Variants in LRRTM4 observed in about 807,000 individuals in gnomAD.
LRRTM4 encodes the protein leucine rich repeat transmembrane neuronal 4, also known as leucine-rich repeat transmembrane neuronal protein 4.
In LRRTM4, 25 loss-of-function variants were observed where a neutral mutation model predicts 47.6. That is an observed-to-expected ratio of 0.53 (90% CI 0.38 to 0.73). The LOEUF is 0.73. LRRTM4 is among the 30% of genes least tolerant of loss of function. The probability of loss-of-function intolerance (pLI) is 0.00; values close to 1 mark genes in which losing one functional copy is unlikely to be tolerated. For missense variants in LRRTM4, 638 were observed against 713.4 expected (o/e 0.89, Z 1.20); for synonymous variants, 311 against 269.5 (o/e 1.15, Z -1.51).
chr2:76,750,690 T>C (rs1003633996), intron 3 of LRRTM4, among the ~76,000 whole-genome samples: 1 of 152,282 alleles, frequency 6.6e-6, no homozygotes, highest in East Asian at 1.9e-4. Flanking sequence ...TTTTTAGATG[T>C]CATTCGTCTG....
rs199877751 is a variant in LRRTM4 at position 77,097,615 on chromosome 2, CAT to C, written c.1552-348701_1552-348700del. ...AGCACTCATGAATTAAAAGAGAAGT[CAT>C]ATTGGAAATTAGAAAATAAAACTCA... On this transcript the variant is annotated intron_variant, in intron 3 of 3. Coordinates refer to ENST00000409884, the MANE Select transcript of LRRTM4 (RefSeq NM_001134745.3). Among the ~76,000 whole-genome samples the C allele has an allele frequency of 8.2e-3, 1,252 of 151,988 alleles. 18 individuals carry two copies. The highest frequency in any genetic ancestry group is 0.028 in the African/African-American group (1,169 of 41,518).
intron 3 of LRRTM4, among the ~76,000 whole-genome samples, chr2:77,145,760 C>T (rs908028000): frequency 2.6e-4 from 35 of 136,374 alleles, no homozygotes; most frequent in African/African-American, 1.0e-4. Flanking sequence ...GGTGACAAAG[C>T]GAGGCTCCGT....
At chr2:77,219,418 A>T (rs757090514) in intron 3 of LRRTM4, among the ~76,000 whole-genome samples, 1 of 152,306 alleles carries the variant, frequency 6.6e-6, no homozygotes, top group East Asian at 1.9e-4. Flanking sequence ...TTCCCCCAGA[A>T]GTCTGAATTT....
chr2:77,059,554 A>G (rs1049595919), intron 3 of LRRTM4, among the ~76,000 whole-genome samples: 2 of 152,168 alleles, frequency 1.3e-5, no homozygotes, highest in African/African-American at 2.4e-5. Context: ...TTTGTTTAGA[A>G]TCAAGTCACT....
chr2:77,243,397 C>T (rs978602501), intron 3 of LRRTM4, among the ~76,000 whole-genome samples: 8 of 122,926 alleles, frequency 6.5e-5, no homozygotes, highest in Admixed American at 1.1e-4. Context: ...GCAACGAGAG[C>T]GAAACTCCGT....
chr2:77,214,760 C>G (rs1194345342), intron 3 of LRRTM4, among the ~76,000 whole-genome samples: 3 of 151,252 alleles, frequency 2.0e-5, no homozygotes, highest in African/African-American at 7.3e-5. Context: ...CATCTGTTAA[C>G]TCGTCTCTGA....
intron 3 of LRRTM4, among the ~76,000 whole-genome samples, chr2:76,824,438 G>A (rs1259445739): frequency 6.6e-6 from 1 of 151,454 alleles, no homozygotes; most frequent in African/African-American, 2.4e-5. Flanking sequence ...ATGAATTATA[G>A]CCATTTAATA....
At chr2:77,028,291 T>C (rs565022886) in intron 3 of LRRTM4, among the ~76,000 whole-genome samples, 2 of 152,124 alleles carry the variant, frequency 1.3e-5, no homozygotes, top group African/African-American at 4.8e-5. Flanking sequence ...GATACAGAAA[T>C]AGAACATCAG....
chr2:77,521,834 AGG>A lies in LRRTM4; in HGVS notation c.-147-18_-147-17del. ...CCCATACAAACTTCCCCGAGAGGAC[AGG>A]CAAAAAAAAAAAAAAAAAATACATA... On this transcript the variant is annotated splice_polypyrimidine_tract_variant and intron_variant, in intron 1 of 3. Transcript: ENST00000409884. 5.8e-6 allele frequency: 2 copies of A among 344,108 alleles called. No individual in the cohort carries two copies. Among genetic ancestry groups the A allele is most frequent in the South Asian group, 7.6e-5 (1 of 13,238 alleles). 21.3% of individuals were successfully genotyped at this position (344,108 alleles called of 1,614,324 possible).
At chr2:77,467,436 T>G (rs1425218928) in intron 3 of LRRTM4, among the ~76,000 whole-genome samples, 1 of 152,124 alleles carries the variant, frequency 6.6e-6, no homozygotes, top group East Asian at 1.9e-4. Context: ...ACTAAAGACA[T>G]CTAGTCACTT....
At chr2:77,240,062 A>C (rs1287325693) in intron 3 of LRRTM4, among the ~76,000 whole-genome samples, 1 of 151,954 alleles carries the variant, frequency 6.6e-6, no homozygotes, top group Non-Finnish European at 1.5e-5. Flanking sequence ...AATATTTACA[A>C]TAATTGTAAT....
At chr2:77,326,397 T>G (rs904862600) in intron 3 of LRRTM4, among the ~76,000 whole-genome samples, 3 of 152,100 alleles carry the variant, frequency 2.0e-5, no homozygotes, top group African/African-American at 7.2e-5. Context: ...TAATTTTACT[T>G]TTATTTTAGT....
At position 77,169,700 on chromosome 2, in the gene LRRTM4, C is replaced by T. The variant is rs539301744; in HGVS notation, c.1551+348618G>A. ...TAAAATAATACATCAGCATGTAAAC[C>T]CTTGCCAGGTGCCAGTGCCATGTCC... is the stretch of plus-strand genomic sequence containing the variant. On this transcript the variant is annotated intron_variant, in intron 3 of 3. Transcript: ENST00000409884. Among the ~76,000 whole-genome samples the T allele has an allele frequency of 3.2e-4, 49 of 152,184 alleles. No homozygotes were observed. In the East Asian group the frequency reaches 9.3e-3, roughly 29 times the overall value.
chr2:76,971,190 A>G (rs1676207992), intron 3 of LRRTM4, among the ~76,000 whole-genome samples: 2 of 152,002 alleles, frequency 1.3e-5, no homozygotes, highest in Admixed American at 6.6e-5. Context: ...AGATGTTTTT[A>G]AAGTCTGTTC....
intron 3 of LRRTM4, among the ~76,000 whole-genome samples, chr2:77,226,468 C>T (rs538992573): frequency 6.6e-6 from 1 of 150,826 alleles, no homozygotes; most frequent in South Asian, 2.1e-4. Context: ...GTAATCCTGC[C>T]ATTGTTGGTG....
intron 3 of LRRTM4, among the ~76,000 whole-genome samples, chr2:77,241,363 G>T (rs535966269): frequency 3.3e-5 from 5 of 151,978 alleles, no homozygotes; most frequent in South Asian, 2.1e-4. Flanking sequence ...TTAGATATCC[G>T]TGTGCAAAAT....
intron 3 of LRRTM4, among the ~76,000 whole-genome samples, chr2:77,095,665 C>T (rs567354322): frequency 5.7e-4 from 87 of 152,004 alleles, no homozygotes; most frequent in African/African-American, 1.8e-3. Context: ...TTAGCCACCA[C>T]GCCCGGCTAA....
intron 3 of LRRTM4, among the ~76,000 whole-genome samples, chr2:77,393,003 G>A (rs779153801): frequency 3.3e-5 from 5 of 151,374 alleles, no homozygotes; most frequent in African/African-American, 1.2e-4. Context: ...TTTACTTTTC[G>A]GTTAAAAAAA....
chr2:77,278,317 C>T (rs1676417384), intron 3 of LRRTM4, among the ~76,000 whole-genome samples: 1 of 151,888 alleles, frequency 6.6e-6, no homozygotes, highest in Admixed American at 6.6e-5. Context: ...TTAACTTTAT[C>T]CATAAATGAG....
Sources: allele counts gnomAD v4.1 joint callset (sites outside exome capture counted in the v4.1 genomes callset), GRCh38; gene constraint gnomAD v4.1.1; transcripts MANE v1.5; gene names NCBI Gene and HGNC (gene_info 2026-07-23, HGNC 2026-07-21).